FRMPD4: variants seen among roughly 807,000 people sequenced by gnomAD.
The protein encoded by FRMPD4 is FERM and PDZ domain containing 4.
Under a neutral mutation model 94.1 loss-of-function variants are expected in FRMPD4, and 22 were observed. That is an observed-to-expected ratio of 0.23 (90% CI 0.17 to 0.33). The LOEUF is 0.33. Ranked by LOEUF, FRMPD4 falls within the 10% of genes least tolerant of loss-of-function variation. FRMPD4 has a pLI of 1.00. For synonymous variants in FRMPD4, 631 were observed against 548.6 expected (o/e 1.15, Z -2.10); for missense variants, 1,111 against 1,339.9 (o/e 0.83, Z 2.67).
intron 8 of FRMPD4, among the ~76,000 whole-genome samples, chrX:12,693,869 T>C: frequency 8.9e-6 from 1 of 111,799 alleles, no homozygotes; most frequent in Middle Eastern, 4.7e-3. Flanking sequence ...GAGCCCATCG[T>C]GTCCAAACCT....
chrX:12,421,484 G>A (rs1257899127), intron 1 of FRMPD4, among the ~76,000 whole-genome samples: 2 of 111,492 alleles, frequency 1.8e-5, no homozygotes, highest in Non-Finnish European at 3.8e-5. Flanking sequence ...AAGGCCTGAT[G>A]TGGAGGTTTA....
chrX:12,624,392 G>C (rs1182458598), intron 4 of FRMPD4, among the ~76,000 whole-genome samples: 2 of 112,039 alleles, frequency 1.8e-5, no homozygotes, highest in Non-Finnish European at 3.8e-5. Flanking sequence ...GGCAGGGAGA[G>C]TTAGACGTGT....
chrX:12,227,656 C>T (rs2056936639), intron 1 of FRMPD4, among the ~76,000 whole-genome samples: 1 of 110,943 alleles, frequency 9.0e-6, no homozygotes, highest in African/African-American at 3.3e-5. Flanking sequence ...AAAATATTAG[C>T]CAAGTGTGAT....
intron 3 of FRMPD4, among the ~76,000 whole-genome samples, chrX:11,944,750 G>A (rs936263332): frequency 3.6e-5 from 4 of 110,691 alleles, no homozygotes; most frequent in Non-Finnish European, 7.6e-5. Context: ...AGGACAGGAA[G>A]CCATTCTCTG....
intron 1 of FRMPD4, among the ~76,000 whole-genome samples, chrX:12,438,760 A>C (rs1306941989): frequency 9.0e-6 from 1 of 111,720 alleles, no homozygotes; most frequent in Non-Finnish European, 1.9e-5. Context: ...GGCTGCCTTT[A>C]AGTCACATGG....
At chrX:11,898,623 A>G (rs2053917418) in intron 3 of FRMPD4, among the ~76,000 whole-genome samples, 1 of 112,189 alleles carries the variant, frequency 8.9e-6, no homozygotes, top group Non-Finnish European at 1.9e-5. Context: ...ATGTATCAAA[A>G]CATCACATTG....
At chrX:12,535,234 CATT>C (rs2058326197) in intron 2 of FRMPD4, among the ~76,000 whole-genome samples, 1 of 111,772 alleles carries the variant, frequency 8.9e-6, no homozygotes, top group Non-Finnish European at 1.9e-5. Context: ...CACCTTCCAT[CATT>C]ATTGTGAGCC....
At chrX:12,519,468 T>C (rs1023731450) in intron 2 of FRMPD4, among the ~76,000 whole-genome samples, 4 of 111,855 alleles carry the variant, frequency 3.6e-5, no homozygotes, top group African/African-American at 6.5e-5. Flanking sequence ...GGGGAAAGCT[T>C]TATGACATTG....
intron 1 of FRMPD4, among the ~76,000 whole-genome samples, chrX:12,313,100 G>A (rs1315198367): frequency 8.9e-6 from 1 of 111,787 alleles, no homozygotes; most frequent in Non-Finnish European, 1.9e-5. Context: ...ACAAAAAAGT[G>A]ACTGAGAAGT....
intron 1 of FRMPD4, among the ~76,000 whole-genome samples, chrX:12,408,166 G>A (rs2056689445): frequency 9.4e-6 from 1 of 106,266 alleles, no homozygotes; most frequent in South Asian, 4.5e-4. Flanking sequence ...ATAGGGAAAG[G>A]GTGATTCGGA....
At chrX:12,654,395 A>T (rs2059631067) in intron 4 of FRMPD4, among the ~76,000 whole-genome samples, 1 of 111,780 alleles carries the variant, frequency 8.9e-6, no homozygotes, top group South Asian at 3.8e-4. Flanking sequence ...GAAGAATGCA[A>T]ATGTGTTACT....
intron 1 of FRMPD4, among the ~76,000 whole-genome samples, chrX:12,460,697 A>G (rs1009733525): frequency 1.6e-4 from 18 of 111,945 alleles, no homozygotes; most frequent in African/African-American, 5.5e-4. Flanking sequence ...TCGATTTTGT[A>G]TACAAATAAT....
At chrX:12,353,574 C>A (rs1601850101) in intron 1 of FRMPD4, among the ~76,000 whole-genome samples, 1 of 111,847 alleles carries the variant, frequency 8.9e-6, no homozygotes, top group African/African-American at 3.3e-5. Flanking sequence ...CTTGCAAAGA[C>A]CTTTTGTAAT....
chrX:11,859,572 C>A (rs1179295595), intron 1 of FRMPD4, among the ~76,000 whole-genome samples: 1 of 111,969 alleles, frequency 8.9e-6, no homozygotes, highest in Admixed American at 9.5e-5. Flanking sequence ...GTTTTAGAAG[C>A]TTTAGAAGCT....
chrX:11,826,697 C>G (rs190801255), intron 1 of FRMPD4, among the ~76,000 whole-genome samples: 1 of 111,578 alleles, frequency 9.0e-6, no homozygotes, highest in East Asian at 2.8e-4. Context: ...ATTTATCTTG[C>G]CAATGGGCCT....
chrX:12,287,817 G>A (rs896991120), intron 1 of FRMPD4, among the ~76,000 whole-genome samples: 1 of 112,135 alleles, frequency 8.9e-6, no homozygotes, highest in Non-Finnish European at 1.9e-5. Flanking sequence ...GCATTATTTA[G>A]GATAGTTTGA....
At chrX:11,824,760 T>C (rs1479627294) in intron 1 of FRMPD4, among the ~76,000 whole-genome samples, 1 of 111,459 alleles carries the variant, frequency 9.0e-6, no homozygotes, top group East Asian at 2.8e-4. Context: ...GTTTAACATT[T>C]GTTGAAAGCC....
intron 1 of FRMPD4, among the ~76,000 whole-genome samples, chrX:12,316,093 G>T (rs1277828090): frequency 8.9e-6 from 1 of 111,900 alleles, no homozygotes; most frequent in African/African-American, 3.3e-5. Context: ...ATACCTCTCA[G>T]GTGTTATTTA....
At chrX:12,465,185 G>A (rs772063531) in intron 1 of FRMPD4, among the ~76,000 whole-genome samples, 2 of 111,643 alleles carry the variant, frequency 1.8e-5, no homozygotes, top group African/African-American at 6.5e-5. Context: ...ACACTGTCCT[G>A]TACTCAAACT....
Sources: gnomAD v4.1 joint callset for allele counts (sites outside exome capture counted in the v4.1 genomes callset) on GRCh38, gnomAD v4.1.1 for gene constraint, MANE v1.5 for transcripts, NCBI Gene and HGNC (gene_info 2026-07-23, HGNC 2026-07-21) for gene names.